The following ZDHHC2 variants were observed in gnomAD, a reference collection of about 807,000 sequenced individuals.
ZDHHC2 encodes zDHHC palmitoyltransferase 2, also known as palmitoyltransferase ZDHHC2.
Under a neutral mutation model 55.6 loss-of-function variants are expected in ZDHHC2, and 51 were observed. The observed-to-expected ratio is 0.92, with a 90% CI of 0.73 to 1.16. The LOEUF is 1.16. Ranked by LOEUF, ZDHHC2 falls within the 50% of genes most tolerant of loss-of-function variation. The pLI is 0.00. For synonymous variants in ZDHHC2, 199 were observed against 152.9 expected, an observed-to-expected ratio of 1.30 and a Z score of -2.22; for missense variants, 491 against 442.4, an observed-to-expected ratio of 1.11 and a Z score of -0.99.
chr8:17,175,916 C>A (rs575970779), intron 1 of ZDHHC2, among the ~76,000 whole-genome samples: 1 of 152,088 alleles, frequency 6.6e-6, no homozygotes, highest in African/African-American at 2.4e-5. Context: ...TGGGCAAAGA[C>A]GCTAAGGTTT....
chr8:17,195,665 A>C (rs1225852288), intron 4 of ZDHHC2, 41 bp downstream of exon 4: 1 of 1,610,934 alleles, frequency 6.2e-7, no homozygotes, highest in South Asian at 1.1e-5. Context: ...GTATGCAAAT[A>C]ACATCATTAA....
chr8:17,182,368 A>C (rs774070145), intron 1 of ZDHHC2, among the ~76,000 whole-genome samples: 1 of 152,320 alleles, frequency 6.6e-6, no homozygotes, highest in East Asian at 1.9e-4. Flanking sequence ...GCCAAACTGC[A>C]CTAATAATAA....
At chr8:17,208,138 C>A (rs1301195896) in intron 8 of ZDHHC2, 46 bp downstream of exon 8, 1 of 1,481,144 alleles carries the variant, frequency 6.8e-7, no homozygotes, top group Non-Finnish European at 9.0e-7. Context: ...AATACGTATA[C>A]CAACATTCAT....
chr8:17,209,778 A>G (rs1422992280), intron 8 of ZDHHC2, among the ~76,000 whole-genome samples, 154 bp from the exon 9 acceptor site: 2 of 152,212 alleles, frequency 1.3e-5, no homozygotes, highest in African/African-American at 4.8e-5. Flanking sequence ...TGGACACCCT[A>G]TATTTCAGGG....
intron 1 of ZDHHC2, among the ~76,000 whole-genome samples, chr8:17,179,913 A>G (rs764661681): frequency 6.6e-6 from 1 of 152,234 alleles, no homozygotes; most frequent in Non-Finnish European, 1.5e-5. Flanking sequence ...GCAAAATATT[A>G]TCATTGTAGG....
chr8:17,191,510 C>G (rs1806028041), intron 3 of ZDHHC2, among the ~76,000 whole-genome samples: 1 of 152,184 alleles, frequency 6.6e-6, no homozygotes, highest in Admixed American at 6.5e-5. Flanking sequence ...TTCTCTATCT[C>G]TATGAGTTTA....
rs892816499 is a variant in ZDHHC2, at chr8:17,222,149, T to A, written c.*1928T>A. On this transcript the variant is annotated 3_prime_UTR_variant, in exon 13 of 13. Coordinates refer to ENST00000262096, the MANE Select transcript of ZDHHC2 (RefSeq NM_016353.5). ...TGCCCCTTTCCCACAGTCTTTTATA[T>A]AATTAAATATATGTCAATACACATT... 6.6e-6 allele frequency: 1 copy of A among 151,772 alleles called. No individual in the cohort carries two copies. The highest frequency in any genetic ancestry group is 1.5e-5 in the Non-Finnish European group (1 of 67,786). 9.4% of individuals were successfully genotyped at this position (151,772 alleles called of 1,614,324 possible).
chr8:17,165,751 G>C (rs971015133), intron 1 of ZDHHC2, among the ~76,000 whole-genome samples: 1 of 152,248 alleles, frequency 6.6e-6, no homozygotes, highest in Admixed American at 6.5e-5. Context: ...AGTAGGGCAA[G>C]AAGGACTGAG....
At chr8:17,199,145 C>A (rs1470425975) in intron 6 of ZDHHC2, among the ~76,000 whole-genome samples, 1 of 152,120 alleles carries the variant, frequency 6.6e-6, no homozygotes, top group African/African-American at 2.4e-5. Flanking sequence ...GCCCACAGGT[C>A]CACAGTAGGT....
intron 1 of ZDHHC2, among the ~76,000 whole-genome samples, chr8:17,166,024 G>C (rs1471634373): frequency 6.6e-6 from 1 of 152,216 alleles, no homozygotes; most frequent in Non-Finnish European, 1.5e-5. Flanking sequence ...GAGATGTGGG[G>C]AGAAAGCAGA....
chr8:17,157,032 G>A (rs1440613647), intron 1 of ZDHHC2, among the ~76,000 whole-genome samples, 179 bp downstream of exon 1: 1 of 152,034 alleles, frequency 6.6e-6, no homozygotes, highest in Non-Finnish European at 1.5e-5. Context: ...CCACGCGCAC[G>A]CCCCTCGCCC....
intron 6 of ZDHHC2, among the ~76,000 whole-genome samples, chr8:17,199,503 TTCTTCTTCTTCGTCTTCGTCTTC>T: frequency 1.6e-5 from 1 of 63,158 alleles, no homozygotes; most frequent in African/African-American, 4.8e-5. Flanking sequence ...CTTCTTCTTC[TTCTTCTTCTTCGTCTTCGTCTTC>T]GTCTTCTGTC....
intron 6 of ZDHHC2, among the ~76,000 whole-genome samples, chr8:17,199,075 G>A (rs185980657): frequency 3.2e-4 from 49 of 152,282 alleles, no homozygotes; most frequent in African/African-American, 1.0e-3. Flanking sequence ...GGATTTGGGC[G>A]TGAGTAATGC....
intron 5 of ZDHHC2, among the ~76,000 whole-genome samples, chr8:17,197,902 G>A (rs1806404443): frequency 1.3e-5 from 2 of 152,142 alleles, no homozygotes; most frequent in Admixed American, 1.3e-4. Flanking sequence ...GACTTGGCTG[G>A]TTCAATTTAG....
chr8:17,187,904 C>CA (rs750728496), intron 3 of ZDHHC2, among the ~76,000 whole-genome samples: 4 of 152,194 alleles, frequency 2.6e-5, no homozygotes, highest in Admixed American at 6.5e-5. Flanking sequence ...CAGACGTCAT[C>CA]ACCTTCTCCT....
chr8:17,200,522 A>G (rs1393111178), intron 6 of ZDHHC2, among the ~76,000 whole-genome samples: 2 of 152,214 alleles, frequency 1.3e-5, no homozygotes, highest in South Asian at 2.1e-4. Flanking sequence ...TCTGACCTTA[A>G]TAAGGGATTG....
In ZDHHC2 at chr8:17,207,120, G is replaced by GC. The variant is rs534838923; in HGVS notation, c.598-839dup. Among the ~76,000 whole-genome samples, 143 of 152,324 alleles carry GC rather than the reference G, an allele frequency of 9.4e-4. 1 individual carries two copies. The highest frequency in any genetic ancestry group is 8.5e-3 in the Admixed American group (130 of 15,296). ...AGAATTTTCGCTGTCAAAAAAACCT[G>GC]CTGCTGTTGAAAACTGTCAGTGAGG... is the stretch of plus-strand genomic sequence containing the variant. On this transcript the variant is annotated intron_variant, in intron 7 of 12. Coordinates refer to ENST00000262096, the MANE Select transcript of ZDHHC2 (RefSeq NM_016353.5).
intron 1 of ZDHHC2, among the ~76,000 whole-genome samples, chr8:17,182,758 CT>C (rs1279064245): frequency 1.3e-5 from 2 of 151,104 alleles, no homozygotes; most frequent in African/African-American, 2.4e-5. Flanking sequence ...CCAACTACAC[CT>C]TTTTTTTTGT....
At chr8:17,198,486 A>G (rs1278837530) in intron 6 of ZDHHC2, 73 bp downstream of exon 6, 5 of 1,394,908 alleles carry the variant, frequency 3.6e-6, no homozygotes, top group African/African-American at 1.5e-5. Context: ...TTATCCATGT[A>G]AATCTTTTCA....
Sources: allele counts gnomAD v4.1 joint callset (sites outside exome capture counted in the v4.1 genomes callset), GRCh38; gene constraint gnomAD v4.1.1; transcripts MANE v1.5; gene names NCBI Gene and HGNC (gene_info 2026-07-23, HGNC 2026-07-21).